Variants in VPS35L observed in about 807,000 individuals in gnomAD.
VPS35L encodes VPS35 endosomal protein-sorting factor-like.
In VPS35L, 83 loss-of-function variants were observed where a neutral mutation model predicts 133.0. The observed-to-expected ratio is 0.62, with a 90% CI of 0.52 to 0.75. The LOEUF is 0.75. VPS35L is among the 30% of genes least tolerant of loss of function. The pLI, the probability that VPS35L is intolerant of heterozygous loss-of-function variation, is 0.00. For missense variants in VPS35L, 1,083 were observed against 1,206.8 expected (o/e 0.90, Z 1.52); for synonymous variants, 423 against 449.9 (o/e 0.94, Z 0.76).
At chr16:19,586,319 G>A (rs1343719439) in intron 7 of VPS35L, among the ~76,000 whole-genome samples, 2 of 151,910 alleles carry the variant, frequency 1.3e-5, no homozygotes, top group Admixed American at 1.3e-4. Flanking sequence ...AAGTATGTAT[G>A]TATGTATGTG....
intron 26 of VPS35L, among the ~76,000 whole-genome samples, chr16:19,654,713 A>G (rs1279663199): frequency 6.6e-6 from 1 of 152,182 alleles, no homozygotes; most frequent in Admixed American, 6.5e-5. Flanking sequence ...TTAAAAGCTC[A>G]GGAATGGTGG....
At position 19,601,668 on chromosome 16, in the gene VPS35L, G is replaced by A. The variant is rs1567413363; in HGVS notation, c.729G>A (p.Lys243=). Residue 243 remains lysine (K), a synonymous_variant, in exon 9 of 31, where the codon AAG becomes AAA. Transcript: ENST00000417362. ...LITDILDTFG[K]LVYERIFSMC... ...CATCTGTCCTTTTCCTCCCAGGAAA[G>A]CTCGTGTACGAGCGCATCTTTTCCA... 3 of 1,614,094 alleles carry A rather than the reference G, an allele frequency of 1.9e-6. No homozygotes were observed. Among genetic ancestry groups the A allele is most frequent in the Non-Finnish European group, 1.7e-6 (2 of 1,179,992 alleles).
intron 1 of VPS35L, among the ~76,000 whole-genome samples, chr16:19,558,976 G>GT (rs11369614): frequency 0.092 from 13,874 of 150,608 alleles, 1,231 homozygotes; most frequent in African/African-American, 0.23. Context: ...CATTTTAAGA[G>GT]TTTTTTTTAT....
Position 19,691,110 on chromosome 16 carries a change from C to T in VPS35L, c.2528-243C>T, listed in dbSNP as rs13331770. On this transcript the variant is annotated intron_variant, in intron 28 of 30. Transcript: ENST00000417362. The stretch of plus-strand genomic sequence containing the variant: ...TATTAATGTCACCCCCGCTCCCCGC[C>T]ACGCACACATGGGCTAGAGGGGTGA... Among the ~76,000 whole-genome samples the T allele has an allele frequency of 9.9e-5, 15 of 152,270 alleles. No individual in the cohort carries two copies. In the East Asian group the frequency reaches 2.7e-3, roughly 27 times the overall value.
intron 6 of VPS35L, among the ~76,000 whole-genome samples, chr16:19,580,331 C>T (rs12446317): frequency 0.046 from 6,911 of 150,332 alleles, 317 homozygotes; most frequent in East Asian, 0.2. Context: ...AGGCTGGTCT[C>T]AAACTCCTGA....
chr16:19,637,666 A>C lies in VPS35L; in HGVS notation c.1698+10A>C. ...AGTTCTTTTCTCAGTGGTAAGTAGG[A>C]TTTCTTAATTATCTTTGGAAATTTG... On this transcript the variant is annotated intron_variant, in intron 20 of 30. Transcript: ENST00000417362. 1.3e-6 allele frequency: 2 copies of C among 1,553,316 alleles called. No individual in the cohort carries two copies. Among genetic ancestry groups the C allele is most frequent in the Non-Finnish European group, 1.8e-6 (2 of 1,140,196 alleles).
chr16:19,625,113 A>C (rs1973221012), intron 14 of VPS35L, among the ~76,000 whole-genome samples: 1 of 152,024 alleles, frequency 6.6e-6, no homozygotes, highest in Admixed American at 6.5e-5. Context: ...GAGGCGGGGA[A>C]AATAGACTTC....
intron 25 of VPS35L, 82 bp from the exon 26 acceptor site, chr16:19,651,894 G>T: frequency 9.7e-7 from 1 of 1,026,638 alleles, no homozygotes; most frequent in Non-Finnish European, 1.5e-6. Flanking sequence ...TTCTTTCCTT[G>T]GAAATACATG....
chr16:19,561,793 T>G (rs750172282), intron 1 of VPS35L, among the ~76,000 whole-genome samples: 6 of 152,068 alleles, frequency 3.9e-5, no homozygotes, highest in Non-Finnish European at 8.8e-5. Context: ...AAATGAGAAG[T>G]GCACATGTCT....
intron 27 of VPS35L, among the ~76,000 whole-genome samples, chr16:19,674,044 C>T (rs530053750): frequency 4.1e-4 from 63 of 152,076 alleles, no homozygotes; most frequent in Non-Finnish European, 3.7e-4. Context: ...GGATGTTTAT[C>T]CTGAATAGCC....
At chr16:19,670,901 G>C (rs1371775195) in intron 27 of VPS35L, among the ~76,000 whole-genome samples, 1 of 152,236 alleles carries the variant, frequency 6.6e-6, no homozygotes, top group African/African-American at 2.4e-5. Flanking sequence ...AGCCACAGTA[G>C]TAGTAGCAGT....
At chr16:19,619,970 T>C (rs1028539622) in intron 14 of VPS35L, among the ~76,000 whole-genome samples, 1 of 152,128 alleles carries the variant, frequency 6.6e-6, no homozygotes, top group African/African-American at 2.4e-5. Flanking sequence ...GATGGTAAAG[T>C]TCGGCTGCAG....
intron 22 of VPS35L, among the ~76,000 whole-genome samples, chr16:19,642,842 A>G (rs1973828254): frequency 2.0e-5 from 3 of 152,214 alleles, no homozygotes. Flanking sequence ...TTAGCCAATT[A>G]TTTGAAATTC....
At chr16:19,569,671 C>T in intron 3 of VPS35L, 80 bp downstream of exon 3, 1 of 1,347,102 alleles carries the variant, frequency 7.4e-7, no homozygotes, top group Non-Finnish European at 9.8e-7. Flanking sequence ...GTGCCCTGCC[C>T]TTTTTTTTCC....
intron 26 of VPS35L, among the ~76,000 whole-genome samples, chr16:19,664,237 TG>T (rs1444021883): frequency 1.3e-5 from 2 of 152,028 alleles, no homozygotes; most frequent in African/African-American, 4.8e-5. Flanking sequence ...CTTACAAATA[TG>T]GGGGCAGTGG....
At chr16:19,602,259 T>G (rs751616342) in intron 9 of VPS35L, among the ~76,000 whole-genome samples, 3 of 152,090 alleles carry the variant, frequency 2.0e-5, no homozygotes, top group Non-Finnish European at 4.4e-5. Context: ...AAGAATGATG[T>G]GTCTGGCAAT....
In VPS35L at chr16:19,616,121, T is replaced by A. The variant is rs774465488; in HGVS notation, c.1031T>A (p.Met344Lys). 2 of 1,613,148 alleles carry A rather than the reference T, an allele frequency of 1.2e-6. No homozygotes were observed. Among genetic ancestry groups the A allele is most frequent in the South Asian group, 2.2e-5 (2 of 90,966 alleles). ...YARAYLCRVG[M>K]EVAPHLKETL... ...CCATTTGTCTGGCTGCAGGTGGGAATGGAAGTGGCCCCACATCTCAAAGAA... is the reference window on the plus strand; with the variant it reads ...CCATTTGTCTGGCTGCAGGTGGGAAAGGAAGTGGCCCCACATCTCAAAGAA... The change falls in exon 13 of 31, where the codon ATG becomes AAG. Residue 344 changes from methionine to lysine, a missense_variant. Transcript: ENST00000417362.
intron 8 of VPS35L, 124 bp from the exon 9 acceptor site, chr16:19,601,540 C>G: frequency 5.8e-6 from 5 of 866,056 alleles, no homozygotes; most frequent in Admixed American, 2.7e-5. Flanking sequence ...CAGGTGGCAG[C>G]ATACCATCAC....
intron 14 of VPS35L, among the ~76,000 whole-genome samples, chr16:19,624,765 C>A (rs750293800): frequency 1.3e-5 from 2 of 152,108 alleles, no homozygotes; most frequent in Non-Finnish European, 2.9e-5. Flanking sequence ...CCCATTTTTG[C>A]CACTTATTAG....
Sources: allele counts gnomAD v4.1 joint callset (sites outside exome capture counted in the v4.1 genomes callset), GRCh38; gene constraint gnomAD v4.1.1; transcripts MANE v1.5; gene names NCBI Gene and HGNC (gene_info 2026-07-23, HGNC 2026-07-21).